GOLGB1: variants seen among roughly 807,000 people sequenced by gnomAD.
The protein encoded by GOLGB1 is golgin B1.
A neutral mutation model predicts 336.9 loss-of-function variants in GOLGB1; 174 were observed. The ratio of observed to expected loss-of-function variants is 0.52; its 90% CI spans 0.46 to 0.59. The LOEUF (loss-of-function observed/expected upper bound fraction) is 0.59. Ranked by LOEUF, GOLGB1 falls within the 20% of genes least tolerant of loss-of-function variation. The probability of loss-of-function intolerance (pLI) is 0.00; values close to 1 mark genes in which losing one functional copy is unlikely to be tolerated. For missense variants in GOLGB1, 3,331 were observed against 3,645.3 expected (o/e 0.91, Z 2.22); for synonymous variants, 1,208 against 1,289.2 (o/e 0.94, Z 1.35).
intron 10 of GOLGB1, among the ~76,000 whole-genome samples, chr3:121,704,462 G>T (rs1943650030): frequency 6.6e-6 from 1 of 152,136 alleles, no homozygotes; most frequent in Admixed American, 6.6e-5. Context: ...TAGGCCAGAA[G>T]AGGGAAACAC....
chr3:121,747,151 TATA>T (rs1323297362), intron 1 of GOLGB1, among the ~76,000 whole-genome samples: 1 of 7,390 alleles, frequency 1.4e-4, no homozygotes, highest in African/African-American at 4.2e-4. Flanking sequence ...ACATGGATGT[TATA>T]TATATATATA....
intron 6 of GOLGB1, among the ~76,000 whole-genome samples, chr3:121,721,774 T>TA (rs758507209): frequency 2.7e-5 from 4 of 149,556 alleles, no homozygotes; most frequent in African/African-American, 9.8e-5. Flanking sequence ...CCATTTAACA[T>TA]AAAATCACAT....
rs766740789 is a variant in GOLGB1 at position 121,694,721 on chromosome 3, T to C, written c.5802A>G (p.Gln1934=). The C allele has an allele frequency of 1.2e-6, 2 of 1,612,368 alleles. No individual in the cohort carries two copies. Among genetic ancestry groups the C allele is most frequent in the Non-Finnish European group, 1.7e-6 (2 of 1,179,990 alleles). Residue 1934 remains glutamine (Q), a synonymous_variant, in exon 13 of 22, where the codon CAA becomes CAG. Transcript: ENST00000614479. ...KDDLEERLMN[Q]LAELNGSIGN... is the part of the protein sequence containing the mutation. The stretch of plus-strand genomic sequence containing the variant: ...CAATGCTTCCATTAAGTTCTGCTAA[T>C]TGATTCATAAGCCTCTCTTCCAAAT...
chr3:121,745,650 T>C (rs1947238529), intron 1 of GOLGB1, among the ~76,000 whole-genome samples: 1 of 152,108 alleles, frequency 6.6e-6, no homozygotes, highest in African/African-American at 2.4e-5. Flanking sequence ...TGTATGACTG[T>C]TGGACAATGT....
intron 14 of GOLGB1, among the ~76,000 whole-genome samples, chr3:121,684,148 A>C (rs1399284696): frequency 1.3e-5 from 2 of 148,564 alleles, no homozygotes; most frequent in African/African-American, 2.5e-5. Context: ...AAAAAAAAAA[A>C]AAAACAAGAA....
In GOLGB1 at chr3:121,677,319, T is replaced by C. The variant is rs764992063; in HGVS notation, c.9005A>G (p.Gln3002Arg). ...GTATTGCACTTTGAGAGGCTGAGTC[T>C]GGGAGGAAGAAGACCTCAATTCCCT... is the stretch of plus-strand genomic sequence containing the variant. ...LIRELRSSSS[Q>R]TQPLKVQYQR... The change falls in exon 16 of 22, where the codon CAG becomes CGG. Residue 3002 changes from glutamine to arginine, a missense_variant. Physicochemically the swap from Gln to Arg is conservative, Grantham distance 43 (BLOSUM62 1). Coordinates refer to ENST00000614479, the MANE Select transcript of GOLGB1 (RefSeq NM_001366282.2). 6.2e-7 allele frequency: 1 copy of C among 1,612,004 alleles called. No individual in the cohort carries two copies. Among genetic ancestry groups the C allele is most frequent in the Non-Finnish European group, 8.5e-7 (1 of 1,178,336 alleles).
At chr3:121,671,059 A>T (rs950469688) in intron 17 of GOLGB1, among the ~76,000 whole-genome samples, 2 of 152,196 alleles carry the variant, frequency 1.3e-5, no homozygotes, top group East Asian at 3.8e-4. Context: ...AGCCCAATTG[A>T]TTCTATATTG....
intron 14 of GOLGB1, among the ~76,000 whole-genome samples, chr3:121,688,033 T>A (rs930459073): frequency 1.3e-5 from 2 of 152,228 alleles, no homozygotes; most frequent in Non-Finnish European, 2.9e-5. Context: ...AGACTGTCTA[T>A]AAATATGGGA....
intron 5 of GOLGB1, among the ~76,000 whole-genome samples, chr3:121,723,368 C>A (rs971189080): frequency 2.0e-5 from 3 of 152,140 alleles, no homozygotes; most frequent in African/African-American, 7.2e-5. Flanking sequence ...TTTTTCTAGA[C>A]CCCTATATAA....
At chr3:121,749,147 T>G (rs1947581389) in intron 1 of GOLGB1, 1 of 152,476 alleles carries the variant, frequency 6.6e-6, no homozygotes, top group Non-Finnish European at 1.5e-5. Flanking sequence ...GATTCTGTGA[T>G]CTCCGCCCTA....
At chr3:121,683,521 A>G (rs181807784) in intron 14 of GOLGB1, among the ~76,000 whole-genome samples, 1 of 152,308 alleles carries the variant, frequency 6.6e-6, no homozygotes, top group Non-Finnish European at 1.5e-5. Context: ...CAATAAGCTC[A>G]ATAAGATCAT....
In GOLGB1 at chr3:121,695,218, C is replaced by T; in HGVS notation, c.5305G>A (p.Glu1769Lys). 6.2e-7 allele frequency: 1 copy of T among 1,613,448 alleles called. No individual in the cohort carries two copies. The highest frequency in any genetic ancestry group is 8.5e-7 in the Non-Finnish European group (1 of 1,179,796). ...EEVQDLKHQI[E>K]GNVSKQANLE... ...TTAGCTTGTTTAGATACATTACCTTCTATCTGATGCTTTAAATCTTGAACC... is the reference window on the plus strand; with the variant it reads ...TTAGCTTGTTTAGATACATTACCTTTTATCTGATGCTTTAAATCTTGAACC... The change falls in exon 13 of 22, where the codon GAA becomes AAA. Residue 1769 changes from glutamate to lysine, a missense_variant. Glu to Lys is a moderately conservative substitution (Grantham distance 56). Transcript: ENST00000614479.
intron 10 of GOLGB1, among the ~76,000 whole-genome samples, chr3:121,707,070 A>T (rs1382681445): frequency 3.3e-5 from 5 of 151,070 alleles, no homozygotes; most frequent in Non-Finnish European, 5.9e-5. Context: ...AACAAAACAA[A>T]CAAAAAAATA....
chr3:121,727,319 T>TATATATAA (rs1560308208), intron 4 of GOLGB1, among the ~76,000 whole-genome samples: 10 of 46,704 alleles, frequency 2.1e-4, no homozygotes, highest in Non-Finnish European at 4.0e-4. Flanking sequence ...TATATATATA[T>TATATATAA]ATTTTTTTTT....
intron 14 of GOLGB1, among the ~76,000 whole-genome samples, chr3:121,688,652 C>A (rs1386675503): frequency 6.6e-6 from 1 of 150,376 alleles, no homozygotes; most frequent in Non-Finnish European, 1.5e-5. Flanking sequence ...CGCCCATCGT[C>A]TGGGACGTGA....
At chr3:121,712,094 C>T (rs749812631) in intron 10 of GOLGB1, among the ~76,000 whole-genome samples, 30 of 152,052 alleles carry the variant, frequency 2.0e-4, no homozygotes, top group Non-Finnish European at 4.1e-4. Flanking sequence ...TAATGAAGAC[C>T]GTGATACTGG....
chr3:121,727,144 T>A (rs561622670), intron 4 of GOLGB1, 103 bp from the exon 5 acceptor site: 1 of 623,722 alleles, frequency 1.6e-6, no homozygotes, highest in African/African-American at 1.9e-5. Flanking sequence ...GTTATAATTT[T>A]ATTAAACTGA....
chr3:121,707,233 A>AAC (rs1358393986), intron 10 of GOLGB1, among the ~76,000 whole-genome samples: 24 of 151,064 alleles, frequency 1.6e-4, no homozygotes, highest in Non-Finnish European at 2.4e-4. Flanking sequence ...CTCAAAAAAA[A>AAC]AAAAAAAAAC....
At chr3:121,723,921 T>G (rs1290109549) in intron 5 of GOLGB1, among the ~76,000 whole-genome samples, 1 of 152,074 alleles carries the variant, frequency 6.6e-6, no homozygotes, top group African/African-American at 2.4e-5. Context: ...AAGTTACTAT[T>G]AAAAAAACAG....
Sources: gnomAD v4.1 joint callset for allele counts (sites outside exome capture counted in the v4.1 genomes callset) on GRCh38, gnomAD v4.1.1 for gene constraint, MANE v1.5 for transcripts, NCBI Gene and HGNC (gene_info 2026-07-23, HGNC 2026-07-21) for gene names.